The following PLEC variants were observed in gnomAD, a reference collection of about 807,000 sequenced individuals.
PLEC encodes plectin, also known as hemidesmosomal protein 1.
PLEC carries 216 observed loss-of-function variants against 392.8 expected under a neutral mutation model. The observed-to-expected ratio is 0.55, with a 90% CI of 0.49 to 0.62. The LOEUF is 0.62. PLEC is among the 20% of genes least tolerant of loss of function. The probability of loss-of-function intolerance (pLI) is 0.00; values close to 1 mark genes in which losing one functional copy is unlikely to be tolerated. For synonymous variants in PLEC, 3,621 were observed against 2,980.6 expected (o/e 1.21, Z -7.00); for missense variants, 6,863 against 6,563.4 (o/e 1.05, Z -1.58).
chr8:143,958,542 G>A (rs903684748), upstream of PLEC: 4 of 375,628 alleles, frequency 1.1e-5, no homozygotes, highest in Admixed American at 5.5e-5. The surrounding 1 kb of genome is among the most constrained non-coding windows in gnomAD (Gnocchi z 4.9). Flanking sequence ...CCCTGGCCTG[G>A]CCACCACCCT....
chr8:143,949,276 C>T (rs1264534119), intron 1 of PLEC, among the ~76,000 whole-genome samples: 1 of 152,248 alleles, frequency 6.6e-6, no homozygotes, highest in Non-Finnish European at 1.5e-5. Context: ...CAAGCTGCTC[C>T]CAGGTGCCAG....
upstream of PLEC, chr8:143,973,613 C>CGGGGCG (rs1223028085): frequency 2.4e-6 from 2 of 827,666 alleles, no homozygotes; most frequent in Non-Finnish European, 2.9e-6. This position sits in a 1 kb window ranked among gnomAD's most constrained non-coding sequence, Gnocchi z 5.6. Flanking sequence ...GCCCCACGGG[C>CGGGGCG]GGGGCGGGGC....
At chr8:143,962,634 T>C (rs1554741189) in intron 1 of PLEC, among the ~76,000 whole-genome samples, 1 of 152,128 alleles carries the variant, frequency 6.6e-6, no homozygotes. Context: ...GTATTAAAGG[T>C]GCTTGTGGTG....
chr8:143,949,315 T>G (rs1304719032), intron 1 of PLEC, among the ~76,000 whole-genome samples: 1 of 152,188 alleles, frequency 6.6e-6, no homozygotes, highest in Non-Finnish European at 1.5e-5. Context: ...GGCCAGGTGC[T>G]GGGGGACCGG....
At position 143,929,213 on chromosome 8, in the gene PLEC, G is replaced by C. The variant is rs1554710442; in HGVS notation, c.3150C>G (p.Val1050=). The change falls in exon 25 of 32, where the codon GTC becomes GTG. Residue 1050 remains valine, a synonymous_variant. Coordinates refer to ENST00000345136, the MANE Select transcript of PLEC (RefSeq NM_201384.3). ...CAGGCGATGGCTCTGGTAGGGCCAA[G>C]ACCTTCTCGGCCTCGGCAGAGAGCC... ...VARLSAEAEK[V]LALPEPSPAA... is the part of the protein sequence containing the mutation. 7 of 1,602,752 alleles carry C rather than the reference G, an allele frequency of 4.4e-6. No individual in the cohort carries two copies. The highest frequency in any genetic ancestry group is 5.9e-6 in the Non-Finnish European group (7 of 1,178,280).
intron 12 of PLEC, among the ~76,000 whole-genome samples, chr8:143,933,691 GCCCTCCCCCAAC>G (rs1198483105): frequency 1.3e-5 from 2 of 152,176 alleles, no homozygotes; most frequent in Admixed American, 6.5e-5. Flanking sequence ...AGTGGGTTGG[GCCCTCCCCCAAC>G]CCCTCCCCTA....
rs1554710771 is a variant in PLEC at position 143,929,391 on chromosome 8, GGAT to G, written c.3081+20_3081+22del. On this transcript the variant is annotated intron_variant, in intron 24 of 31. Coordinates refer to ENST00000345136, the MANE Select transcript of PLEC (RefSeq NM_201384.3). ...GAGGGATGGGGAGAGGGATGGGACT[GGAT>G]GGGGGGGGACGGCCCCTGCCTGCTG... 1 of 1,561,068 alleles carries G rather than the reference GGAT, an allele frequency of 6.4e-7. No individual in the cohort carries two copies. The highest frequency in any genetic ancestry group is 8.6e-7 in the Non-Finnish European group (1 of 1,156,640).
At chr8:143,967,647 A>G (rs1405488076) in intron 1 of PLEC, among the ~76,000 whole-genome samples, 1 of 152,040 alleles carries the variant, frequency 6.6e-6, no homozygotes, top group Admixed American at 6.6e-5. Context: ...GTAGCCAGGC[A>G]TGGCAGCAGC....
In PLEC at chr8:143,931,518, A is replaced by C; in HGVS notation, c.2304+16T>G. 5.8e-6 allele frequency: 9 copies of C among 1,557,968 alleles called. No homozygotes were observed. Among genetic ancestry groups the C allele is most frequent in the Non-Finnish European group, 7.8e-6 (9 of 1,151,178 alleles). ...CCAGCCCCTCCTGACACGCCCCTGCACACCCCCTCCCTCACCTGGGCATCC... is the reference window on the plus strand; with the variant it reads ...CCAGCCCCTCCTGACACGCCCCTGCCCACCCCCTCCCTCACCTGGGCATCC... On this transcript the variant is annotated intron_variant, in intron 19 of 31. Transcript: ENST00000345136.
Position 143,945,022 on chromosome 8 carries a change from C to CGGGCTCACGTCCCTGCAGGAGGCGG in PLEC, c.523+5137_523+5161dup, listed in dbSNP as rs376036353. Among the ~76,000 whole-genome samples the CGGGCTCACGTCCCTGCAGGAGGCGG allele has an allele frequency of 0.025, 3,756 of 152,002 alleles. 165 individuals carry two copies. Among genetic ancestry groups the CGGGCTCACGTCCCTGCAGGAGGCGG allele is most frequent in the African/African-American group, 0.087 (3,591 of 41,338 alleles). On this transcript the variant is annotated intron_variant, in intron 1 of 31. Transcript: ENST00000322810. Reference sequence around the variant, plus strand: ...ATAATAGAGCAGGGCGCGGGAGGTGCGGGCTCACGTCCCTGCAGGAGGCGG... The same window carrying CGGGCTCACGTCCCTGCAGGAGGCGG: ...ATAATAGAGCAGGGCGCGGGAGGTGCGGGCTCACGTCCCTGCAGGAGGCGGGGGCTCACGTCCCTGCAGGAGGCGG...
chr8:143,935,360 G>A (rs1554722327), intron 6 of PLEC, 47 bp from the exon 7 acceptor site: 1 of 1,335,850 alleles, frequency 7.5e-7, no homozygotes, highest in East Asian at 2.3e-5. Flanking sequence ...AAGACCAGCG[G>A]CCACACCACA....
In PLEC at chr8:143,919,813, C is replaced by T. The variant is rs782335694; in HGVS notation, c.10008G>A (p.Thr3336=). The T allele has an allele frequency of 1.1e-5, 18 of 1,612,968 alleles. No homozygotes were observed. Among genetic ancestry groups the T allele is most frequent in the African/African-American group, 9.3e-5 (7 of 74,960 alleles). ...CCAGCTCCGAAAGGTCCTTGACCGTCGTCTTGCCGTCCTTGAGCTGCTCAA... is the reference window on the plus strand; with the variant it reads ...CCAGCTCCGAAAGGTCCTTGACCGTTGTCTTGCCGTCCTTGAGCTGCTCAA... ...AQFEQLKDGK[T]TVKDLSELGS... The change falls in exon 32 of 32, where the codon ACG becomes ACA. Residue 3336 remains threonine (T), a synonymous_variant. Coordinates refer to ENST00000345136, the MANE Select transcript of PLEC (RefSeq NM_201384.3).
At chr8:143,975,398 C>A (rs1554745779), upstream of PLEC, 3 of 1,593,694 alleles carry the variant, frequency 1.9e-6, no homozygotes, top group African/African-American at 2.7e-5. This position sits in a 1 kb window ranked among gnomAD's most constrained non-coding sequence, Gnocchi z 9.9. Flanking sequence ...CAGGAGGGGT[C>A]ACATCTCTGC....
upstream of PLEC, among the ~76,000 whole-genome samples, chr8:143,941,346 C>T (rs1422646650): frequency 2.6e-5 from 4 of 152,122 alleles, no homozygotes; most frequent in African/African-American, 9.7e-5. Context: ...GTGGAGCCCA[C>T]CCCAGCCAGG....
chr8:143,961,478 C>T (rs1292415590), intron 1 of PLEC, among the ~76,000 whole-genome samples: 1 of 152,162 alleles, frequency 6.6e-6, no homozygotes, highest in Non-Finnish European at 1.5e-5. Context: ...CCCAACTCGG[C>T]CCCCCAAAGT....
chr8:143,924,493 C>T lies in PLEC; in HGVS notation c.5436G>A (p.Glu1812=), dbSNP rs531481906. The part of the protein sequence containing the change: ...EAARLRALAE[E]AKRQRQLAEE... ...CGGCCAGCTGCCGCTGCCGCTTGGCCTCTTCCGCCAGGGCACGCAGGCGGG... is the reference window on the plus strand; with the variant it reads ...CGGCCAGCTGCCGCTGCCGCTTGGCTTCTTCCGCCAGGGCACGCAGGCGGG... Residue 1812 remains glutamate, a synonymous_variant, in exon 31 of 32, where the codon GAG becomes GAA. Transcript: ENST00000345136. 2.6e-6 allele frequency: 4 copies of T among 1,546,392 alleles called. No homozygotes were observed. In the East Asian group the frequency reaches 7.3e-5, roughly 28 times the overall value.
In PLEC at chr8:143,920,777, G is replaced by C; in HGVS notation, c.9044C>G (p.Thr3015Ser). The change falls in exon 32 of 32, where the codon ACT (threonine) becomes AGT (serine). Residue 3015 changes from threonine (T) to serine (S), a missense_variant. Transcript: ENST00000345136. ...RSVRDVAEVD[T>S]VRRALRGANV... ...GGCACCCCGGAGAGCCCGCCGCACAGTGTCCACCTCGGCTACGTCTCGCAC... is the reference window on the plus strand; with the variant it reads ...GGCACCCCGGAGAGCCCGCCGCACACTGTCCACCTCGGCTACGTCTCGCAC... 1 of 1,607,020 alleles carries C rather than the reference G, an allele frequency of 6.2e-7. No homozygotes were observed. Among genetic ancestry groups the C allele is most frequent in the Non-Finnish European group, 8.5e-7 (1 of 1,179,922 alleles).
chr8:143,940,416 C>G (rs1320358677), upstream of PLEC, among the ~76,000 whole-genome samples: 9 of 152,236 alleles, frequency 5.9e-5, no homozygotes, highest in African/African-American at 1.9e-4. Context: ...GAGGGGAAGC[C>G]ACACCTGAGG....
At position 143,934,479 on chromosome 8, in the gene PLEC, CA is replaced by C. The variant is rs1416749034; in HGVS notation, c.1042-35del. ...AGGGGCCACACTCAGGCCCTATAGG[CA>C]GGGGGCAGGGGGTGGGGCGCTGGGC... On this transcript the variant is annotated intron_variant, in intron 10 of 31. Coordinates refer to ENST00000345136, the MANE Select transcript of PLEC (RefSeq NM_201384.3). The C allele has an allele frequency of 2.5e-6, 4 of 1,608,396 alleles. No individual in the cohort carries two copies. In the African/African-American group the frequency reaches 4.0e-5, roughly 16 times the overall value.
Sources: gnomAD v4.1 joint callset for allele counts (sites outside exome capture counted in the v4.1 genomes callset) on GRCh38, gnomAD v4.1.1 for gene constraint, Gnocchi (gnomAD v3.1) non-coding constraint, MANE v1.5 for transcripts, NCBI Gene and HGNC (gene_info 2026-07-23, HGNC 2026-07-21) for gene names.